The following TRPM3 variants were observed in gnomAD, a reference collection of about 807,000 sequenced individuals.
TRPM3 encodes the protein long transient receptor potential channel 3.
In TRPM3, 77 loss-of-function variants were observed where a neutral mutation model predicts 181.2. The observed-to-expected ratio is 0.42, with a 90% CI of 0.35 to 0.51. The LOEUF is 0.51. Ranked by LOEUF, TRPM3 falls within the 20% of genes least tolerant of loss-of-function variation. The pLI is 0.01. For missense variants in TRPM3, 1,759 were observed against 2,196.7 expected (o/e 0.80, Z 3.98); for synonymous variants, 745 against 796.4 (o/e 0.94, Z 1.09).
intron 1 of TRPM3, among the ~76,000 whole-genome samples, chr9:71,371,646 G>A (rs1261841134): frequency 1.3e-5 from 2 of 152,188 alleles, no homozygotes; most frequent in Admixed American, 6.5e-5. Context: ...GCTTCACCAG[G>A]TGAACACTGT....
chr9:71,185,319 C>T (rs2077613013), intron 1 of TRPM3, among the ~76,000 whole-genome samples: 1 of 152,116 alleles, frequency 6.6e-6, no homozygotes, highest in African/African-American at 2.4e-5. Context: ...ATTCTGACAA[C>T]TGAAAAGCAT....
chr9:71,269,708 G>A (rs1272247766), intron 1 of TRPM3, among the ~76,000 whole-genome samples: 1 of 152,166 alleles, frequency 6.6e-6, no homozygotes, highest in Admixed American at 6.5e-5. Flanking sequence ...CACCTCAGCA[G>A]GAATGTAACT....
chr9:70,941,064 TG>T (rs1481784463), intron 1 of TRPM3, among the ~76,000 whole-genome samples: 1 of 152,228 alleles, frequency 6.6e-6, no homozygotes, highest in East Asian at 1.9e-4. Context: ...GTGTGTGTGA[TG>T]GTTAATACTG....
chr9:71,069,229 C>G (rs975545460), intron 1 of TRPM3, among the ~76,000 whole-genome samples: 15 of 152,340 alleles, frequency 9.8e-5, no homozygotes, highest in African/African-American at 3.1e-4. Context: ...TGTCGACAGG[C>G]TGGAGTGCAG....
Position 70,616,028 on chromosome 9 carries a change from G to A in TRPM3, c.2406C>T (p.Phe802=), listed in dbSNP as rs1249335342. ...LLPPSILSLE[F]KNKDDMPYMS... ...TATAGGGCATGTCGTCTTTGTTCTT[G>A]AACTCCAAGCTGAGAATTGAAGGAG... Residue 802 remains phenylalanine, a synonymous_variant, in exon 18 of 26, where the codon TTC becomes TTT. Transcript: ENST00000677713. 1 of 1,610,738 alleles carries A rather than the reference G, an allele frequency of 6.2e-7. No individual in the cohort carries two copies. The highest frequency in any genetic ancestry group is 1.7e-5 in the Admixed American group (1 of 59,810).
At position 70,589,928 on chromosome 9, in the gene TRPM3, C is replaced by T. The variant is rs114826766; in HGVS notation, c.3223+1103G>A. ...CCCTATTTTCCTGGTCTCAGTCCTA[C>T]CGGGGATGGGCAGTGGGAGTGGGGA... On this transcript the variant is annotated intron_variant, in intron 22 of 25. Transcript: ENST00000677713. Among the ~76,000 whole-genome samples the T allele has an allele frequency of 7.4e-3, 1,120 of 152,238 alleles. 13 individuals carry two copies. Among genetic ancestry groups the T allele is most frequent in the African/African-American group, 0.026 (1,063 of 41,520 alleles).
intron 1 of TRPM3, among the ~76,000 whole-genome samples, chr9:71,290,394 T>A (rs1286853526): frequency 6.6e-6 from 1 of 152,154 alleles, no homozygotes; most frequent in African/African-American, 2.4e-5. Context: ...GATTTCTGTT[T>A]GCAATACTTG....
At chr9:70,568,212 G>C (rs1428417070) in intron 22 of TRPM3, among the ~76,000 whole-genome samples, 1 of 152,148 alleles carries the variant, frequency 6.6e-6, no homozygotes, top group Non-Finnish European at 1.5e-5. Context: ...CAAGGCAAAT[G>C]GCTGAGATTT....
intron 8 of TRPM3, among the ~76,000 whole-genome samples, chr9:70,698,233 T>C (rs926912647): frequency 1.3e-5 from 2 of 150,360 alleles, no homozygotes; most frequent in Non-Finnish European, 3.0e-5. Context: ...AGAATTTTTC[T>C]TGCTTATATC....
intron 8 of TRPM3, among the ~76,000 whole-genome samples, chr9:70,686,860 C>G (rs564199857): frequency 5.3e-4 from 68 of 127,978 alleles, no homozygotes; most frequent in Non-Finnish European, 9.8e-4. Context: ...GGGTCTCACT[C>G]TGTCTCCCAG....
chr9:70,576,773 A>G (rs1161200074), intron 22 of TRPM3, among the ~76,000 whole-genome samples: 1 of 152,076 alleles, frequency 6.6e-6, no homozygotes, highest in African/African-American at 2.4e-5. Flanking sequence ...TCAGCCTCCC[A>G]AAGTGCTGGG....
In TRPM3 at chr9:71,325,772, A is replaced by G. The variant is rs183171004; in HGVS notation, c.183+120881T>C. Among the ~76,000 whole-genome samples the G allele has an allele frequency of 9.8e-4, 149 of 152,306 alleles. 2 individuals are homozygous for G. The highest frequency in any genetic ancestry group is 9.7e-3 in the Admixed American group (148 of 15,296). ...CCCACCCACCCACACACACACACAC[A>G]CAAAGTGACGAAGGCTCTGCCACAT... On this transcript the variant is annotated intron_variant, in intron 1 of 24. Transcript: ENST00000357533.
At chr9:70,907,781 C>G (rs1304146998) in intron 1 of TRPM3, among the ~76,000 whole-genome samples, 1 of 152,162 alleles carries the variant, frequency 6.6e-6, no homozygotes, top group East Asian at 1.9e-4. Flanking sequence ...GTTTAGCTCC[C>G]ACTTATAAGT....
intron 1 of TRPM3, among the ~76,000 whole-genome samples, chr9:71,106,696 C>T (rs1276796330): frequency 1.3e-5 from 2 of 152,128 alleles, no homozygotes; most frequent in Non-Finnish European, 2.9e-5. Flanking sequence ...TATAGCTGTC[C>T]AGAGCAAAAG....
At position 70,536,157 on chromosome 9, in the gene TRPM3, T is replaced by C. The variant is rs2041678322; in HGVS notation, c.4956A>G (p.Ala1652=). Residue 1652 remains alanine, a synonymous_variant, in exon 26 of 26, where the codon GCA becomes GCG. Coordinates refer to ENST00000677713, the MANE Select transcript of TRPM3 (RefSeq NM_001366145.2). ...PKIERANSYS[A]EEPSAPYAHT... ...GTGCATATGGCGCACTTGGCTCCTC[T>C]GCCGAGTAGCTGTTGGCGCGCTCTA... The C allele has an allele frequency of 6.2e-7, 1 of 1,614,092 alleles. No homozygotes were observed. The highest frequency in any genetic ancestry group is 8.5e-7 in the Non-Finnish European group (1 of 1,180,038).
At chr9:71,446,669 G>C (rs995112421) in exon 1 of TRPM3, 1 of 1,550,166 alleles carries the variant, frequency 6.5e-7, no homozygotes, top group Non-Finnish European at 8.7e-7. Context: ...CTGCTGCGAC[G>C]GGAGTCCCGA....
intron 1 of TRPM3, among the ~76,000 whole-genome samples, chr9:71,230,887 G>C (rs1385822229): frequency 3.3e-5 from 5 of 152,108 alleles, no homozygotes; most frequent in African/African-American, 1.2e-4. Flanking sequence ...TCCTGTTTTG[G>C]CTTCTGGGCT....
chr9:71,072,636 G>A (rs1338558940), intron 1 of TRPM3, among the ~76,000 whole-genome samples: 1 of 152,170 alleles, frequency 6.6e-6, no homozygotes, highest in Non-Finnish European at 1.5e-5. Flanking sequence ...AGCTTGTGCA[G>A]TAATAGTGCC....
chr9:70,949,332 T>C (rs1464126113), intron 1 of TRPM3, among the ~76,000 whole-genome samples: 1 of 152,036 alleles, frequency 6.6e-6, no homozygotes, highest in African/African-American at 2.4e-5. Context: ...GCTGAAATTA[T>C]AGGCATGAGC....
Sources: gnomAD v4.1 joint callset for allele counts (sites outside exome capture counted in the v4.1 genomes callset) on GRCh38, gnomAD v4.1.1 for gene constraint, MANE v1.5 for transcripts, NCBI Gene and HGNC (gene_info 2026-07-23, HGNC 2026-07-21) for gene names.